Variants in ABCA12 observed in about 807,000 individuals in gnomAD.
The protein encoded by ABCA12 is ATP binding cassette subfamily A member 12, also known as glucosylceramide transporter ABCA12.
A neutral mutation model predicts 293.5 loss-of-function variants in ABCA12; 156 were observed. The ratio of observed to expected loss-of-function variants is 0.53; its 90% confidence interval spans 0.47 to 0.61. ABCA12 has a LOEUF of 0.61. Among genes scored for constraint, ABCA12 ranks in the 20% least tolerant of loss-of-function variants. ABCA12 has a pLI of 0.00. For synonymous variants in ABCA12, 1,063 were observed against 1,108.0 expected (o/e 0.96, Z 0.81); for missense variants, 2,797 against 3,090.2 (o/e 0.91, Z 2.25).
intron 46 of ABCA12, 79 bp from the exon 47 acceptor site, chr2:214,948,816 T>C (rs1698661947): frequency 1.3e-6 from 2 of 1,567,208 alleles, no homozygotes; most frequent in East Asian, 4.5e-5. Context: ...GGAAGGTAGC[T>C]CTATTTTGGT....
intron 29 of ABCA12, among the ~76,000 whole-genome samples, chr2:214,983,217 TTGAG>T (rs1371266597): frequency 6.6e-6 from 1 of 152,128 alleles, no homozygotes; most frequent in African/African-American, 2.4e-5. Flanking sequence ...AAGGATGTTA[TTGAG>T]TATTATACTG....
chr2:215,028,653 A>G (rs1218800794), intron 9 of ABCA12, among the ~76,000 whole-genome samples: 1 of 152,198 alleles, frequency 6.6e-6, no homozygotes, highest in Non-Finnish European at 1.5e-5. Flanking sequence ...AAAATAAACT[A>G]TCTATTAGGG....
At chr2:214,984,771 G>T (rs903659837) in intron 28 of ABCA12, among the ~76,000 whole-genome samples, 1 of 152,014 alleles carries the variant, frequency 6.6e-6, no homozygotes, top group Admixed American at 6.6e-5. Context: ...CCATCTCACC[G>T]TTTTCACAGC....
chr2:214,971,452 C>T (rs1157841664), intron 36 of ABCA12, among the ~76,000 whole-genome samples: 1 of 152,108 alleles, frequency 6.6e-6, no homozygotes, highest in African/African-American at 2.4e-5. Context: ...TCACCAACAA[C>T]CAAGACAAGA....
chr2:214,958,795 T>C (rs1699029794), intron 40 of ABCA12, among the ~76,000 whole-genome samples: 1 of 152,190 alleles, frequency 6.6e-6, no homozygotes, highest in African/African-American at 2.4e-5. Flanking sequence ...CACTTATCAC[T>C]TGACTTATAA....
At chr2:215,109,034 T>G (rs1702517771) in intron 2 of ABCA12, among the ~76,000 whole-genome samples, 1 of 151,482 alleles carries the variant, frequency 6.6e-6, no homozygotes, top group Non-Finnish European at 1.5e-5. Context: ...ACCACTGTAC[T>G]CTAGCCTGGG....
At chr2:214,962,997 T>G (rs939929074) in intron 39 of ABCA12, 3 of 151,878 alleles carry the variant, frequency 2.0e-5, no homozygotes, top group African/African-American at 7.3e-5. Context: ...CCTAACATCT[T>G]AACTAAAAGA....
At chr2:215,076,881 T>A (rs192875035) in intron 2 of ABCA12, among the ~76,000 whole-genome samples, 11 of 152,296 alleles carry the variant, frequency 7.2e-5, no homozygotes, top group Middle Eastern at 6.8e-3. Context: ...TACAAAAGGA[T>A]GTGTGAGTGG....
Position 215,045,975 on chromosome 2 carries a change from T to G in ABCA12, c.734A>C (p.Glu245Ala), listed in dbSNP as rs1281172945. The change falls in exon 7 of 53, where the codon GAA becomes GCA. Residue 245 changes from glutamate (E) to alanine (A), a missense_variant. This residue lies in a region of ABCA12 where 656 missense variants were observed against 638.2 expected (regional missense o/e 1.03). Transcript: ENST00000272895. ...DPNNQKIVFQ[E>A]IVRMLSFFSQ... ...GAAGAAAGACAGCATTCTGACTATT[T>G]CCTGAAACACTATCTTCTGATTGTT... The G allele has an allele frequency of 1.2e-6, 2 of 1,613,602 alleles. No homozygotes were observed. Among genetic ancestry groups the G allele is most frequent in the African/African-American group, 1.3e-5 (1 of 74,918 alleles).
Position 214,970,387 on chromosome 2 carries a change from A to G in ABCA12, c.5576T>C (p.Phe1859Ser), listed in dbSNP as rs538567282. The G allele has an allele frequency of 1.9e-6, 3 of 1,613,258 alleles. No homozygotes were observed. The highest frequency in any genetic ancestry group is 8.5e-7 in the Non-Finnish European group (1 of 1,179,428). Residue 1859 changes from phenylalanine (F) to serine (S), a missense_variant, in exon 37 of 53, where the codon TTT (phenylalanine) becomes TCT (serine). Physicochemically the swap from Phe to Ser is radical, Grantham distance 155 (BLOSUM62 -2). Around this residue, in one of 3 missense-constraint regions of ABCA12, gnomAD observed 2,130 missense variants for 2,427.0 expected, o/e 0.88. Coordinates refer to ENST00000272895, the MANE Select transcript of ABCA12 (RefSeq NM_173076.3). ...CSENVQECPK[F>S]NYSPPHRRTY... ...TCTTCTGTGCGGTGGGGAATAGTTA[A>G]ATTTAGGACATTCCTGGAAAATAAA...
chr2:214,983,310 T>C (rs7608150), intron 29 of ABCA12, among the ~76,000 whole-genome samples: 152,176 of 152,264 alleles, frequency 1, 76,045 homozygotes, highest in Non-Finnish European at 1. Flanking sequence ...ATCACCCTGG[T>C]TGCTCTTTGA....
At chr2:215,053,803 C>T (rs540166886) in intron 4 of ABCA12, among the ~76,000 whole-genome samples, 1 of 152,172 alleles carries the variant, frequency 6.6e-6, no homozygotes, top group East Asian at 1.9e-4. Flanking sequence ...GCCCCTAAGA[C>T]AGTGGCTGCT....
chr2:214,945,132 A>G (rs746261544), intron 48 of ABCA12, 28 bp from the exon 49 acceptor site: 1 of 1,556,782 alleles, frequency 6.4e-7, no homozygotes, highest in Middle Eastern at 1.7e-4. Context: ...ACAAAAATTT[A>G]TCAAATTAAT....
chr2:215,012,905 T>C (rs919187857), intron 15 of ABCA12, among the ~76,000 whole-genome samples: 12 of 152,322 alleles, frequency 7.9e-5, no homozygotes, highest in African/African-American at 2.6e-4. Flanking sequence ...AATATGCACC[T>C]AAAAATTAAA....
At chr2:214,999,845 T>C in intron 22 of ABCA12, 1 of 984,146 alleles carries the variant, frequency 1.0e-6, no homozygotes, top group Non-Finnish European at 1.2e-6. Flanking sequence ...TTTATAACTC[T>C]TGAAGTAGCC....
chr2:214,958,536 A>G (rs1699022351), intron 40 of ABCA12, 82 bp from the exon 41 acceptor site: 1 of 1,468,238 alleles, frequency 6.8e-7, no homozygotes, highest in African/African-American at 1.4e-5. Flanking sequence ...AACTAAAACC[A>G]TCAAGAAAAC....
intron 35 of ABCA12, 101 bp from the exon 36 acceptor site, chr2:214,974,143 G>A: frequency 9.7e-7 from 1 of 1,034,208 alleles, no homozygotes. Context: ...GTTCATGTGT[G>A]TAGTCACAGA....
chr2:215,121,077 G>T (rs911921067), intron 1 of ABCA12, among the ~76,000 whole-genome samples: 1 of 152,172 alleles, frequency 6.6e-6, no homozygotes, highest in South Asian at 2.1e-4. Flanking sequence ...CACAACATGC[G>T]TTATCACTTT....
intron 47 of ABCA12, 48 bp from the exon 48 acceptor site, chr2:214,947,604 C>G (rs1392228125): frequency 1.9e-6 from 3 of 1,606,164 alleles, no homozygotes; most frequent in Non-Finnish European, 2.6e-6. Flanking sequence ...GTGCCAAAAC[C>G]CTTAAAGCAC....
Sources: allele counts gnomAD v4.1 joint callset (sites outside exome capture counted in the v4.1 genomes callset), GRCh38; gene constraint gnomAD v4.1.1; regional missense constraint gnomAD v4.1.1; transcripts MANE v1.5; gene names NCBI Gene and HGNC (gene_info 2026-07-23, HGNC 2026-07-21).